Variants in MRAP2 observed in about 807,000 individuals in gnomAD.
MRAP2 encodes the protein melanocortin 2 receptor accessory protein 2.
In MRAP2, 20 loss-of-function variants were observed where a neutral mutation model predicts 17.4. That is an observed-to-expected ratio of 1.15 (90% confidence interval 0.81 to 1.67). The LOEUF is 1.67. Among genes scored for constraint, MRAP2 ranks in the 40% most tolerant of loss-of-function variants. MRAP2 has a pLI of 0.00. For missense variants in MRAP2, 238 were observed against 240.0 expected (o/e 0.99, Z 0.05); for synonymous variants, 96 against 88.4 (o/e 1.09, Z -0.48).
chr6:84,079,213 A>G (rs575214747), intron 3 of MRAP2, among the ~76,000 whole-genome samples: 1 of 152,236 alleles, frequency 6.6e-6, no homozygotes, highest in Non-Finnish European at 1.5e-5. Context: ...TACAATGGGC[A>G]TTAGTAAGAA....
chr6:84,110,362 A>G, the MRAP2 span, among the ~76,000 whole-genome samples: 2 of 152,156 alleles, frequency 1.3e-5, no homozygotes, highest in African/African-American at 2.4e-5. Flanking sequence ...TTTCTTTCAT[A>G]TATTTGTTGG....
At chr6:84,059,592 C>T (rs1025556572) in intron 2 of MRAP2, among the ~76,000 whole-genome samples, 3 of 152,212 alleles carry the variant, frequency 2.0e-5, no homozygotes, top group South Asian at 4.1e-4. Flanking sequence ...ATCATGTCAA[C>T]TTTCAGCTCT....
intron 2 of MRAP2, among the ~76,000 whole-genome samples, chr6:84,058,427 T>C (rs768320915): frequency 6.6e-6 from 1 of 152,186 alleles, no homozygotes; most frequent in East Asian, 1.9e-4. Flanking sequence ...ACTGGCAGGA[T>C]GGAATTGCCT....
intron 3 of MRAP2, among the ~76,000 whole-genome samples, chr6:84,071,628 T>G (rs970227068): frequency 2.0e-5 from 3 of 152,200 alleles, no homozygotes; most frequent in Non-Finnish European, 4.4e-5. Context: ...TGTCTAGGTC[T>G]CTAGGAAGGC....
At chr6:84,035,513 TAGC>T (rs2099485738) in intron 1 of MRAP2, 1 of 633,774 alleles carries the variant, frequency 1.6e-6, no homozygotes, top group South Asian at 7.1e-5. Context: ...GAGTTGCAAA[TAGC>T]AGTTTTTAAA....
At chr6:84,092,640 G>A (rs780515262), downstream of MRAP2, among the ~76,000 whole-genome samples, 33 of 152,112 alleles carry the variant, frequency 2.2e-4, no homozygotes, top group Non-Finnish European at 3.5e-4. Context: ...TTGTCTTTCA[G>A]TATATGCAGG....
rs146500958 is a variant in MRAP2 at position 84,058,095 on chromosome 6, CTTTG to C, written c.127+2655_127+2658del. Among the ~76,000 whole-genome samples the C allele has an allele frequency of 8.4e-3, 1,272 of 152,192 alleles. 22 individuals are homozygous for C. The highest frequency in any genetic ancestry group is 0.029 in the African/African-American group (1,203 of 41,526). ...GGGGCCTTAGAGGTCATGCTAAGGACTTTGTTTGGCCTTTTACTCTGAGAAGTCA... is the reference window on the plus strand; with the variant it reads ...GGGGCCTTAGAGGTCATGCTAAGGACTTTGGCCTTTTACTCTGAGAAGTCA... On this transcript the variant is annotated intron_variant, in intron 2 of 3. Coordinates refer to ENST00000257776, the MANE Select transcript of MRAP2 (RefSeq NM_138409.4).
intron 3 of MRAP2, among the ~76,000 whole-genome samples, chr6:84,084,859 CTTTATTTTATTTTATTTTATTTTAT>C (rs766383974): frequency 2.9e-5 from 4 of 137,124 alleles, no homozygotes; most frequent in Admixed American, 1.4e-4. Context: ...CATTTCATTT[CTTTATTTTATTTTATTTTATTTTAT>C]TTTATTTTAT....
the MRAP2 span, among the ~76,000 whole-genome samples, chr6:84,145,892 T>A: frequency 6.6e-6 from 1 of 152,106 alleles, no homozygotes; most frequent in Non-Finnish European, 1.5e-5. Context: ...GAAATTAGTA[T>A]ACAGACTACT....
the MRAP2 span, among the ~76,000 whole-genome samples, chr6:84,121,821 TA>T: frequency 3.3e-5 from 5 of 152,164 alleles, no homozygotes; most frequent in Admixed American, 6.5e-5. Flanking sequence ...GAGGAAAGTT[TA>T]TAGAATAAAT....
At chr6:84,075,483 T>C (rs2099497355) in intron 3 of MRAP2, among the ~76,000 whole-genome samples, 2 of 152,174 alleles carry the variant, frequency 1.3e-5, no homozygotes, top group Admixed American at 1.3e-4. Context: ...CTTTTCTGGA[T>C]TTTTTAAGGA....
chr6:84,094,602 T>C (rs970598551), downstream of MRAP2, among the ~76,000 whole-genome samples: 4 of 152,218 alleles, frequency 2.6e-5, no homozygotes, highest in Non-Finnish European at 5.9e-5. Context: ...CAATAACATG[T>C]TCCTCATTTC....
chr6:84,052,541 T>G (rs1376393073), intron 1 of MRAP2, among the ~76,000 whole-genome samples: 6 of 152,196 alleles, frequency 3.9e-5, no homozygotes, highest in Non-Finnish European at 5.9e-5. Flanking sequence ...AGCTGATTAA[T>G]TTGAGGCTTG....
chr6:84,057,349 G>A (rs533529595), intron 2 of MRAP2, among the ~76,000 whole-genome samples: 198 of 152,300 alleles, frequency 1.3e-3, no homozygotes, highest in African/African-American at 3.8e-3. Flanking sequence ...CACTCATTGC[G>A]GACAGGAATG....
intron 1 of MRAP2, among the ~76,000 whole-genome samples, chr6:84,044,825 T>A (rs2099488559): frequency 6.6e-6 from 1 of 152,222 alleles, no homozygotes; most frequent in Admixed American, 6.5e-5. Flanking sequence ...CGGCACCTTA[T>A]TCACATTGTA....
At chr6:84,067,730 G>GTTT (rs57643473) in intron 3 of MRAP2, among the ~76,000 whole-genome samples, 2 of 125,632 alleles carry the variant, frequency 1.6e-5, no homozygotes, top group African/African-American at 3.0e-5. Flanking sequence ...GGATGGAATT[G>GTTT]TTTTTTTTTT....
intron 2 of MRAP2, among the ~76,000 whole-genome samples, chr6:84,056,982 A>G (rs1303776824): frequency 6.6e-6 from 1 of 152,198 alleles, no homozygotes; most frequent in Admixed American, 6.5e-5. Context: ...TACCTACTAT[A>G]CCATTAATAA....
At chr6:84,120,906 C>T in the MRAP2 span, among the ~76,000 whole-genome samples, 2 of 152,112 alleles carry the variant, frequency 1.3e-5, no homozygotes, top group African/African-American at 4.8e-5. Context: ...CATGTGGTTA[C>T]TGAGCACTTG....
At chr6:84,040,301 T>G (rs539091998) in intron 1 of MRAP2, among the ~76,000 whole-genome samples, 1 of 152,350 alleles carries the variant, frequency 6.6e-6, no homozygotes, top group Non-Finnish European at 1.5e-5. Context: ...GTGAGTCAAT[T>G]AAACCTCTTT....
Sources: gnomAD v4.1 joint callset for allele counts (sites outside exome capture counted in the v4.1 genomes callset) on GRCh38, gnomAD v4.1.1 for gene constraint, MANE v1.5 for transcripts, NCBI Gene and HGNC (gene_info 2026-07-23, HGNC 2026-07-21) for gene names.